CREB5: variants seen among roughly 807,000 people sequenced by gnomAD.
CREB5 encodes the protein cAMP responsive element binding protein 5, also known as cyclic AMP-responsive element-binding protein 5.
In CREB5, 19 loss-of-function variants were observed where a neutral mutation model predicts 57.1. That is an observed-to-expected ratio of 0.33 (90% confidence interval 0.23 to 0.49). The LOEUF is 0.49. CREB5 is among the 20% of genes least tolerant of loss of function. The pLI is 0.99. For missense variants in CREB5, 579 were observed against 671.6 expected (o/e 0.86, Z 1.52); for synonymous variants, 238 against 238.3 (o/e 1.00, Z 0.01).
chr7:28,460,100 A>G (rs116897999), intron 1 of CREB5, among the ~76,000 whole-genome samples: 14 of 152,352 alleles, frequency 9.2e-5, no homozygotes, highest in African/African-American at 3.1e-4. Context: ...CGATGGCTCT[A>G]TAAAATCATT....
intron 5 of CREB5, among the ~76,000 whole-genome samples, chr7:28,658,990 A>ATATAT (rs1562554757): frequency 1.5e-5 from 1 of 65,224 alleles, no homozygotes; most frequent in Non-Finnish European, 3.5e-5. Flanking sequence ...TGTATATATA[A>ATATAT]GTCATAATTT....
rs1365378280 is a variant in CREB5, at chr7:28,823,392, A to G, written c.*4113A>G. 4.6e-5 allele frequency: 7 copies of G among 152,794 alleles called. No homozygotes were observed. The highest frequency in any genetic ancestry group is 1.7e-4 in the African/African-American group (7 of 41,592). The allele number at this position is 152,794 out of a possible 1,614,324, so 9.5% of individuals were successfully genotyped here. ...ACATTCCATTTGAACAGTATTCTGT[A>G]GGATCTACTTGTTTTTAAAGTGTTA... On this transcript the variant is annotated 3_prime_UTR_variant, in exon 11 of 11. Coordinates refer to ENST00000357727, the MANE Select transcript of CREB5 (RefSeq NM_182898.4).
rs142949623 is a variant in CREB5 at position 28,525,119 on chromosome 7, C to T, written c.291+17382C>T. Among the ~76,000 whole-genome samples the T allele has an allele frequency of 5.0e-3, 756 of 152,146 alleles. 9 individuals carry two copies. Among genetic ancestry groups the T allele is most frequent in the African/African-American group, 0.018 (728 of 41,508 alleles). Reference sequence around the variant, plus strand: ...GCCTGGCTTATTTCATTTAACGTAACGACCTTCAGTTCCATCCATGTTGCT... The same window carrying T: ...GCCTGGCTTATTTCATTTAACGTAATGACCTTCAGTTCCATCCATGTTGCT... On this transcript the variant is annotated intron_variant, in intron 4 of 10. Transcript: ENST00000357727.
intron 4 of CREB5, among the ~76,000 whole-genome samples, chr7:28,556,774 T>A (rs1022900317): frequency 6.6e-6 from 1 of 152,180 alleles, no homozygotes; most frequent in African/African-American, 2.4e-5. Context: ...AACTGGTGTT[T>A]TCCTGTTTAG....
chr7:28,741,881 C>T (rs956204282), intron 7 of CREB5, among the ~76,000 whole-genome samples: 9 of 151,812 alleles, frequency 5.9e-5, no homozygotes, highest in African/African-American at 2.2e-4. Context: ...GCCTGGCCAA[C>T]ATGGTGAAAC....
At chr7:28,672,327 A>G (rs1023178060) in intron 5 of CREB5, among the ~76,000 whole-genome samples, 1 of 152,156 alleles carries the variant, frequency 6.6e-6, no homozygotes, top group Non-Finnish European at 1.5e-5. Flanking sequence ...AGTTTTAAGA[A>G]GATTAAAGGA....
intron 5 of CREB5, among the ~76,000 whole-genome samples, chr7:28,644,650 GA>G (rs1198157553): frequency 2.8e-5 from 4 of 143,098 alleles, no homozygotes; most frequent in African/African-American, 1.2e-4. Context: ...ATTTCAATTT[GA>G]AATTTCAATT....
chr7:28,717,066 CT>C (rs1802729788), intron 5 of CREB5, among the ~76,000 whole-genome samples: 1 of 148,064 alleles, frequency 6.8e-6, no homozygotes, highest in Non-Finnish European at 1.5e-5. Context: ...TGCATAATCT[CT>C]GCGGAAAGGC....
At chr7:28,316,119 T>A (rs969311116) in intron 1 of CREB5, among the ~76,000 whole-genome samples, 2 of 152,208 alleles carry the variant, frequency 1.3e-5, no homozygotes, top group African/African-American at 2.4e-5. Flanking sequence ...GCGGGTGGGA[T>A]GCCATTGCGA....
At chr7:28,582,674 T>C (rs1796164068) in intron 5 of CREB5, among the ~76,000 whole-genome samples, 1 of 152,210 alleles carries the variant, frequency 6.6e-6, no homozygotes, top group East Asian at 1.9e-4. Flanking sequence ...TTTCAGTCCT[T>C]ATCTCCAGTC....
chr7:28,392,377 G>T (rs1314448552), intron 1 of CREB5, among the ~76,000 whole-genome samples: 3 of 152,188 alleles, frequency 2.0e-5, no homozygotes, highest in Admixed American at 2.0e-4. Flanking sequence ...CCTGGTCTCT[G>T]GCTGTGGTTG....
chr7:28,471,520 T>A (rs915453217), intron 1 of CREB5, among the ~76,000 whole-genome samples: 1 of 152,208 alleles, frequency 6.6e-6, no homozygotes, highest in Non-Finnish European at 1.5e-5. Flanking sequence ...TGAACCCATA[T>A]ACTCTAAAAC....
rs548425953 is a variant in CREB5 at position 28,401,620 on chromosome 7, T to C, written c.-24-93286T>C. ...ATGTTCCCCATCCTGTGTCCAAGTG[T>C]TCTCATTGTTCAATTCCCACCTATG... On this transcript the variant is annotated intron_variant, in intron 1 of 9. Coordinates refer to the CREB5 transcript ENST00000396299. 2.6e-4 allele frequency among the ~76,000 whole-genome samples: 39 copies of C among 152,222 alleles called. No homozygotes were observed. In the East Asian group the frequency reaches 7.0e-3, roughly 27 times the overall value.
chr7:28,543,766 A>G (rs918025341), intron 4 of CREB5, among the ~76,000 whole-genome samples: 1 of 151,776 alleles, frequency 6.6e-6, no homozygotes, highest in African/African-American at 2.4e-5. Context: ...GCATTCTGCA[A>G]ATGTTATCAC....
intron 4 of CREB5, among the ~76,000 whole-genome samples, chr7:28,513,241 C>T (rs957438204): frequency 6.6e-5 from 10 of 152,168 alleles, no homozygotes; most frequent in Non-Finnish European, 1.5e-4. Context: ...TAAAAGATGC[C>T]AAGTTGAGCA....
intron 1 of CREB5, among the ~76,000 whole-genome samples, chr7:28,372,253 A>C (rs4722791): frequency 0.81 from 123,971 of 152,200 alleles, 50,753 homozygotes; most frequent in East Asian, 1. Context: ...AAATGCAGCA[A>C]GTAATATAAA....
At chr7:28,318,203 C>T (rs1785415994) in intron 1 of CREB5, among the ~76,000 whole-genome samples, 2 of 152,146 alleles carry the variant, frequency 1.3e-5, no homozygotes, top group Non-Finnish European at 2.9e-5. Flanking sequence ...TCTACAAATC[C>T]TATGATATTA....
At chr7:28,432,912 C>G (rs954648805) in intron 1 of CREB5, among the ~76,000 whole-genome samples, 1 of 152,094 alleles carries the variant, frequency 6.6e-6, no homozygotes, top group Admixed American at 6.5e-5. Context: ...TATCATCTAG[C>G]TATATTTCAT....
At chr7:28,456,240 A>AT (rs200369811) in intron 1 of CREB5, among the ~76,000 whole-genome samples, 3 of 61,864 alleles carry the variant, frequency 4.8e-5, no homozygotes, top group African/African-American at 1.4e-4. Context: ...GAGAGGATTG[A>AT]TTTTTCCCCC....
Sources: gnomAD v4.1 joint callset for allele counts (sites outside exome capture counted in the v4.1 genomes callset) on GRCh38, gnomAD v4.1.1 for gene constraint, MANE v1.5 for transcripts, NCBI Gene and HGNC (gene_info 2026-07-23, HGNC 2026-07-21) for gene names.